EML4: variants seen among roughly 807,000 people sequenced by gnomAD.
EML4 encodes the protein EMAP like 4, also known as echinoderm microtubule-associated protein-like 4.
A neutral mutation model predicts 129.0 loss-of-function variants in EML4; 72 were observed. The observed-to-expected ratio is 0.56, with a 90% CI of 0.46 to 0.68. The LOEUF (loss-of-function observed/expected upper bound fraction) is 0.68, where lower values mean the gene tolerates loss of function less well. Among genes scored for constraint, EML4 ranks in the 30% least tolerant of loss-of-function variants. EML4 has a pLI of 0.00. For missense variants in EML4, 1,363 were observed against 1,190.6 expected, an observed-to-expected ratio of 1.14 and a Z score of -2.13; for synonymous variants, 532 against 405.0, an observed-to-expected ratio of 1.31 and a Z score of -3.77.
chr2:42,266,666 T>A (rs62142566), intron 6 of EML4, among the ~76,000 whole-genome samples: 15 of 133,978 alleles, frequency 1.1e-4, no homozygotes, highest in South Asian at 2.3e-4. Flanking sequence ...TTTTTTTTTT[T>A]AAATAGAGTC....
At chr2:42,320,647 C>A (rs1321848604) in intron 19 of EML4, among the ~76,000 whole-genome samples, 1 of 152,136 alleles carries the variant, frequency 6.6e-6, no homozygotes, top group African/African-American at 2.4e-5. Flanking sequence ...AATAGTTTTA[C>A]AATGATGAGC....
intron 1 of EML4, among the ~76,000 whole-genome samples, chr2:42,189,319 G>C (rs1671446207): frequency 6.6e-6 from 1 of 152,174 alleles, no homozygotes; most frequent in Non-Finnish European, 1.5e-5. Context: ...CCACTACCAA[G>C]GGAAGAGAGG....
At chr2:42,237,082 G>T (rs1383495689) in intron 1 of EML4, among the ~76,000 whole-genome samples, 2 of 152,068 alleles carry the variant, frequency 1.3e-5, no homozygotes, top group African/African-American at 4.8e-5. Flanking sequence ...GGGACTACAG[G>T]TGTGCCACCA....
intron 11 of EML4, among the ~76,000 whole-genome samples, chr2:42,292,080 A>T (rs1392693893): frequency 1.3e-5 from 2 of 152,238 alleles, no homozygotes; most frequent in African/African-American, 2.4e-5. Flanking sequence ...TTCAGTTCTT[A>T]GGCGTTGGCA....
chr2:42,255,526 T>A (rs1182212402), intron 2 of EML4, among the ~76,000 whole-genome samples: 1 of 152,186 alleles, frequency 6.6e-6, no homozygotes, highest in Non-Finnish European at 1.5e-5. Context: ...TAGGACTGTT[T>A]TACCACAGTT....
chr2:42,169,877 C>A (rs1670159389), intron 1 of EML4: 1 of 422,260 alleles, frequency 2.4e-6, no homozygotes, highest in Non-Finnish European at 4.2e-6. Flanking sequence ...CAGTGCGGGG[C>A]CCTCGTTCCC....
Position 42,312,072 on chromosome 2 carries a change from C to T in EML4, c.1968-3890C>T, listed in dbSNP as rs1177032793. On this transcript the variant is annotated intron_variant, in intron 17 of 22. Coordinates refer to ENST00000318522, the MANE Select transcript of EML4 (RefSeq NM_019063.5). The stretch of plus-strand genomic sequence containing the variant: ...CATGAAGCATGTGGCTTCAAAGTGC[C>T]AGTTTTCCTGCTTATTAGCATTTAA... 3.9e-5 allele frequency among the ~76,000 whole-genome samples: 6 copies of T among 152,204 alleles called. No individual in the cohort carries two copies. In the East Asian group the frequency reaches 1.2e-3, roughly 29 times the overall value.
At chr2:42,250,917 C>G (rs1675724007) in intron 2 of EML4, among the ~76,000 whole-genome samples, 1 of 152,184 alleles carries the variant, frequency 6.6e-6, no homozygotes, top group Non-Finnish European at 1.5e-5. Flanking sequence ...GAGACAGTGA[C>G]AGATCATCAG....
At chr2:42,175,417 G>C (rs1463204074) in intron 1 of EML4, among the ~76,000 whole-genome samples, 1 of 152,066 alleles carries the variant, frequency 6.6e-6, no homozygotes, top group Non-Finnish European at 1.5e-5. Context: ...CTGGCCAAGA[G>C]TGTGTTATTT....
rs544773272 is a variant in EML4 at position 42,203,833 on chromosome 2, A to G, written c.25+34197A>G. Among the ~76,000 whole-genome samples, 208 of 152,092 alleles carry G rather than the reference A, an allele frequency of 1.4e-3. 1 individual carries two copies. Among genetic ancestry groups the G allele is most frequent in the Admixed American group, 4.6e-3 (71 of 15,288 alleles). ...AGAGTCCCCTGTAACTATAGTAACTATAGTGGTAATAATAATGAAAATATA... is the reference window on the plus strand; with the variant it reads ...AGAGTCCCCTGTAACTATAGTAACTGTAGTGGTAATAATAATGAAAATATA... On this transcript the variant is annotated intron_variant, in intron 1 of 22. Transcript: ENST00000318522.
chr2:42,284,069 A>G lies in EML4; in HGVS notation c.942-565A>G, dbSNP rs547034625. On this transcript the variant is annotated intron_variant, in intron 8 of 22. Transcript: ENST00000318522. ...ATATGCTACGCTACTTCCCATTTCT[A>G]TTTAAAAATTCCTTGCCTCAGTTTG... Among the ~76,000 whole-genome samples, 248 of 152,338 alleles carry G rather than the reference A, an allele frequency of 1.6e-3. 1 individual carries two copies. Among genetic ancestry groups the G allele is most frequent in the African/African-American group, 5.7e-3 (237 of 41,582 alleles).
At chr2:42,283,087 A>G in intron 8 of EML4, 115 bp downstream of exon 8, 1 of 972,762 alleles carries the variant, frequency 1.0e-6, no homozygotes, top group Non-Finnish European at 1.5e-6. Flanking sequence ...ATGTAAAAAT[A>G]TTATGGGTCA....
intron 4 of EML4, among the ~76,000 whole-genome samples, chr2:42,262,551 G>A (rs906570909): frequency 6.6e-6 from 1 of 152,114 alleles, no homozygotes; most frequent in Non-Finnish European, 1.5e-5. Flanking sequence ...GTTGCAAGAA[G>A]TATTGGAGAC....
intron 1 of EML4, among the ~76,000 whole-genome samples, chr2:42,225,611 G>A (rs1673909762): frequency 6.6e-6 from 1 of 152,102 alleles, no homozygotes; most frequent in Non-Finnish European, 1.5e-5. Context: ...AACGTTGCCA[G>A]ACTTTATTTA....
intron 10 of EML4, among the ~76,000 whole-genome samples, chr2:42,286,669 A>G (rs1204099771): frequency 1.3e-5 from 2 of 152,224 alleles, no homozygotes; most frequent in African/African-American, 4.8e-5. Context: ...AGGAATATAT[A>G]CAAAGCATAG....
At chr2:42,254,612 CTT>C (rs1385603389) in intron 2 of EML4, among the ~76,000 whole-genome samples, 5 of 67,026 alleles carry the variant, frequency 7.5e-5, no homozygotes, top group African/African-American at 2.9e-4. Context: ...TTAATACCCT[CTT>C]GAGTTTTTTT....
chr2:42,303,148 G>T lies in EML4; in HGVS notation c.1686G>T (p.Lys562Asn). 6.2e-7 allele frequency: 1 copy of T among 1,614,066 alleles called. No homozygotes were observed. The highest frequency in any genetic ancestry group is 8.5e-7 in the Non-Finnish European group (1 of 1,180,012). ...CAATCAGAGCTGTAGCAGAAGGAAA[G>T]GCAGATCAATTTTTAGTAGGCACAT... ...YGTIRAVAEG[K>N]ADQFLVGTSR... Residue 562 changes from lysine (K) to asparagine (N), a missense_variant, in exon 15 of 23, where the codon AAG (lysine) becomes AAT (asparagine). Lys to Asn is a moderately conservative substitution (Grantham distance 94). Transcript: ENST00000318522.
rs1670104913 is a variant in EML4, at chr2:42,331,617, T to G, written c.*1410T>G. On this transcript the variant is annotated 3_prime_UTR_variant, in exon 23 of 23. Coordinates refer to ENST00000318522, the MANE Select transcript of EML4 (RefSeq NM_019063.5). ...AAACTTTGGATGAGTTAAGAAGTCT[T>G]AAGTATGCAGGCGTTTACGTGATTG... The G allele has an allele frequency of 4.5e-6, 1 of 224,594 alleles. No individual in the cohort carries two copies. Among genetic ancestry groups the G allele is most frequent in the Non-Finnish European group, 8.9e-6 (1 of 112,466 alleles). The allele number at this position is 224,594 out of a possible 1,614,324, so 13.9% of individuals were successfully genotyped here.
At chr2:42,189,105 AG>A (rs1383840433) in intron 1 of EML4, among the ~76,000 whole-genome samples, 2 of 151,988 alleles carry the variant, frequency 1.3e-5, no homozygotes, top group Non-Finnish European at 2.9e-5. Flanking sequence ...GGGCTCAAGC[AG>A]TCCTCCCTAC....
Sources: allele counts gnomAD v4.1 joint callset (sites outside exome capture counted in the v4.1 genomes callset), GRCh38; gene constraint gnomAD v4.1.1; transcripts MANE v1.5; gene names NCBI Gene and HGNC (gene_info 2026-07-23, HGNC 2026-07-21).